NPSR1: variants seen among roughly 807,000 people sequenced by gnomAD.
The protein encoded by NPSR1 is neuropeptide S receptor.
A neutral mutation model predicts 46.9 loss-of-function variants in NPSR1; 48 were observed. The ratio of observed to expected loss-of-function variants is 1.02; its 90% CI spans 0.81 to 1.30. NPSR1 has a LOEUF of 1.30. Among genes scored for constraint, NPSR1 ranks in the 50% most tolerant of loss-of-function variants. The probability of loss-of-function intolerance (pLI) is 0.00; values close to 1 mark genes in which losing one functional copy is unlikely to be tolerated. For missense variants in NPSR1, 450 were observed against 449.5 expected, an observed-to-expected ratio of 1.00 and a Z score of -0.01; for synonymous variants, 176 against 168.1, an observed-to-expected ratio of 1.05 and a Z score of -0.36.
rs571387378 is a variant in NPSR1 at position 34,674,792 on chromosome 7, A to T, written c.148-9760A>T. Among the ~76,000 whole-genome samples the T allele has an allele frequency of 4.6e-5, 7 of 152,310 alleles. No individual in the cohort carries two copies. The East Asian group carries it at 1.4e-3, about 29-fold the overall frequency. On this transcript the variant is annotated intron_variant, in intron 1 of 8. Coordinates refer to ENST00000360581, the MANE Select transcript of NPSR1 (RefSeq NM_207172.2). ...ATCACTACTGTTGTGTGGAGGCCAC[A>T]TGTTGCCATAGAGTCCCTCCATTCC...
chr7:34,866,156 C>T (rs1791310147), intron 8 of NPSR1, among the ~76,000 whole-genome samples: 1 of 151,860 alleles, frequency 6.6e-6, no homozygotes, highest in Admixed American at 6.5e-5. Flanking sequence ...TCCCACACGG[C>T]CTCCACCTCC....
intron 1 of NPSR1, among the ~76,000 whole-genome samples, chr7:34,672,532 A>AT (rs34343735): frequency 0.28 from 43,315 of 152,072 alleles, 7,714 homozygotes; most frequent in African/African-American, 0.51. Flanking sequence ...GGAGATTAAC[A>AT]TTGTTAATAA....
At chr7:34,826,286 C>G (rs575899160) in intron 4 of NPSR1, among the ~76,000 whole-genome samples, 1 of 152,286 alleles carries the variant, frequency 6.6e-6, no homozygotes, top group African/African-American at 2.4e-5. Flanking sequence ...TCAGTGCATA[C>G]AATTCAGGAA....
intron 8 of NPSR1, among the ~76,000 whole-genome samples, chr7:34,861,950 C>G (rs2094175560): frequency 6.6e-6 from 1 of 151,876 alleles, no homozygotes; most frequent in Non-Finnish European, 1.5e-5. Flanking sequence ...AGCCCATGCT[C>G]AGTTTAAGCC....
chr7:34,676,516 C>G (rs935035738), intron 1 of NPSR1, among the ~76,000 whole-genome samples: 4 of 152,134 alleles, frequency 2.6e-5, no homozygotes, highest in South Asian at 2.1e-4. Flanking sequence ...TTGTGTGTGT[C>G]TCTGTGTGCC....
intron 5 of NPSR1, 94 bp downstream of exon 5, chr7:34,827,696 T>A: frequency 1.2e-6 from 1 of 845,876 alleles, no homozygotes; most frequent in Non-Finnish European, 1.8e-6. Context: ...AACAGACCCA[T>A]TTTTCCTAGT....
intron 2 of NPSR1, among the ~76,000 whole-genome samples, chr7:34,732,634 GCCC>G (rs754441687): frequency 1.3e-5 from 2 of 152,076 alleles, no homozygotes; most frequent in Non-Finnish European, 2.9e-5. Flanking sequence ...CTTTTGGACT[GCCC>G]TATTTGTGAT....
intron 6 of NPSR1, among the ~76,000 whole-genome samples, chr7:34,841,757 G>T (rs1307431550): frequency 6.6e-6 from 1 of 152,176 alleles, no homozygotes; most frequent in Non-Finnish European, 1.5e-5. Flanking sequence ...AGCACTGCGG[G>T]TTTCCATTTT....
chr7:34,823,420 C>A (rs547873179), intron 4 of NPSR1, among the ~76,000 whole-genome samples: 10,450 of 75,034 alleles, frequency 0.14, 557 homozygotes, highest in East Asian at 0.18. Flanking sequence ...AAAAAAACAA[C>A]ACCATAAATG....
At chr7:34,687,587 CACA>C (rs1337906176) in intron 2 of NPSR1, among the ~76,000 whole-genome samples, 1 of 152,176 alleles carries the variant, frequency 6.6e-6, no homozygotes, top group East Asian at 1.9e-4. Context: ...CACTCATTAT[CACA>C]ACAACAGCAT....
At chr7:34,751,923 T>C (rs2128724368) in intron 2 of NPSR1, 4 of 1,404,024 alleles carry the variant, frequency 2.8e-6, no homozygotes, top group Non-Finnish European at 3.0e-6. Context: ...CTCAAACAAC[T>C]TGTGTTCCTG....
intron 1 of NPSR1, among the ~76,000 whole-genome samples, chr7:34,674,717 G>T (rs1450980446): frequency 6.6e-6 from 1 of 152,202 alleles, no homozygotes; most frequent in Non-Finnish European, 1.5e-5. Flanking sequence ...GGCACGGAAA[G>T]CTTTGTGACT....
intron 2 of NPSR1, among the ~76,000 whole-genome samples, chr7:34,739,142 T>C (rs1338590370): frequency 6.6e-6 from 1 of 152,244 alleles, no homozygotes; most frequent in Non-Finnish European, 1.5e-5. Flanking sequence ...GCTCATCCAC[T>C]GATGGACATT....
chr7:34,793,750 T>G (rs1275573155), intron 3 of NPSR1, among the ~76,000 whole-genome samples: 1 of 152,112 alleles, frequency 6.6e-6, no homozygotes, highest in East Asian at 1.9e-4. Context: ...AATCAGTATG[T>G]CAAAGAGACA....
At chr7:34,769,882 A>C (rs113257181) in intron 2 of NPSR1, among the ~76,000 whole-genome samples, 94 of 152,338 alleles carry the variant, frequency 6.2e-4, no homozygotes, top group African/African-American at 2.2e-3. Flanking sequence ...GAGGTGATTA[A>C]GCCTTTAAAG....
At chr7:34,870,712 T>C (rs1791430939) in intron 8 of NPSR1, among the ~76,000 whole-genome samples, 1 of 151,780 alleles carries the variant, frequency 6.6e-6, no homozygotes, top group South Asian at 2.1e-4. Flanking sequence ...GAGCCAGAAG[T>C]GACCACAATT....
At chr7:34,750,143 C>G in intron 2 of NPSR1, 1 of 166,464 alleles carries the variant, frequency 6.0e-6, no homozygotes, top group Non-Finnish European at 1.1e-5. Flanking sequence ...TTTTTTTTTT[C>G]AAAAAAGGAG....
chr7:34,822,549 T>C (rs533823861), intron 4 of NPSR1, among the ~76,000 whole-genome samples: 125 of 152,278 alleles, frequency 8.2e-4, no homozygotes, highest in African/African-American at 2.4e-3. Flanking sequence ...ATCAAAATAA[T>C]AAAGAGAAAT....
intron 2 of NPSR1, among the ~76,000 whole-genome samples, chr7:34,722,321 T>C (rs1323745387): frequency 6.6e-6 from 1 of 152,210 alleles, no homozygotes. Context: ...TAATATGTGG[T>C]ATATGTAAAA....
Sources: allele counts gnomAD v4.1 joint callset (sites outside exome capture counted in the v4.1 genomes callset), GRCh38; gene constraint gnomAD v4.1.1; transcripts MANE v1.5; gene names NCBI Gene and HGNC (gene_info 2026-07-23, HGNC 2026-07-21).